Variants in BRAF observed in about 807,000 individuals in gnomAD.
BRAF encodes the protein B-Raf proto-oncogene, serine/threonine kinase, also known as serine/threonine-protein kinase B-raf.
Under a neutral mutation model 104.6 loss-of-function variants are expected in BRAF, and 16 were observed. The observed-to-expected ratio is 0.15, with a 90% CI of 0.10 to 0.23. The LOEUF (loss-of-function observed/expected upper bound fraction) is 0.23, where lower values mean the gene tolerates loss of function less well. Among genes scored for constraint, BRAF ranks in the 10% least tolerant of loss-of-function variants. The pLI is 1.00. For synonymous variants in BRAF, 310 were observed against 341.6 expected, an observed-to-expected ratio of 0.91 and a Z score of 1.02; for missense variants, 541 against 937.3, an observed-to-expected ratio of 0.58 and a Z score of 5.52.
At chr7:140,881,729 T>C (rs546132228) in intron 1 of BRAF, among the ~76,000 whole-genome samples, 3 of 152,358 alleles carry the variant, frequency 2.0e-5, no homozygotes, top group East Asian at 1.9e-4. Flanking sequence ...TTGGTTTCAC[T>C]TGAATACTTA....
At chr7:140,794,605 A>T (rs960542748) in intron 7 of BRAF, 138 bp from the exon 8 acceptor site, 3 of 1,054,700 alleles carry the variant, frequency 2.8e-6, no homozygotes, top group Non-Finnish European at 4.1e-6. Flanking sequence ...AGCAGTAATG[A>T]CTTTTAAAAG....
downstream of BRAF, among the ~76,000 whole-genome samples, chr7:140,715,307 T>A (rs1336488759): frequency 6.6e-6 from 1 of 152,134 alleles, no homozygotes; most frequent in Non-Finnish European, 1.5e-5. Flanking sequence ...ACTTCTCCGG[T>A]TTTGTGTTTA....
intron 1 of BRAF, among the ~76,000 whole-genome samples, chr7:140,873,030 T>A (rs1233226511): frequency 1.3e-5 from 2 of 152,186 alleles, no homozygotes; most frequent in African/African-American, 4.8e-5. Flanking sequence ...ACTTCTGGCA[T>A]GATGAAATGA....
intron 1 of BRAF, among the ~76,000 whole-genome samples, chr7:140,859,219 C>T (rs1442700400): frequency 6.6e-6 from 1 of 151,172 alleles, no homozygotes; most frequent in Non-Finnish European, 1.5e-5. Flanking sequence ...GTTTCCACCC[C>T]TGTTTTGGTA....
At chr7:140,889,743 ATCAG>A (rs1813999483) in intron 1 of BRAF, among the ~76,000 whole-genome samples, 3 of 152,246 alleles carry the variant, frequency 2.0e-5, no homozygotes, top group Admixed American at 1.3e-4. Context: ...AATTCAACCC[ATCAG>A]TCAAAAGTCA....
At chr7:140,731,757 C>T (rs1012921748) in intron 19 of BRAF, 1 of 152,212 alleles carries the variant, frequency 6.6e-6, no homozygotes, top group Non-Finnish European at 1.5e-5. Flanking sequence ...CATCTGATTA[C>T]ATCCTGTGAT....
chr7:140,871,789 T>A (rs927739865), intron 1 of BRAF, among the ~76,000 whole-genome samples: 1 of 152,180 alleles, frequency 6.6e-6, no homozygotes, highest in African/African-American at 2.4e-5. Flanking sequence ...AATATAAAAT[T>A]TAGTTTCTCA....
chr7:140,818,166 G>A (rs1479592005), intron 3 of BRAF, among the ~76,000 whole-genome samples: 1 of 152,132 alleles, frequency 6.6e-6, no homozygotes, highest in Non-Finnish European at 1.5e-5. Flanking sequence ...GTGTCCAGCA[G>A]AGGAATGGGA....
intron 5 of BRAF, among the ~76,000 whole-genome samples, chr7:140,802,606 C>G (rs2129045054): frequency 6.6e-6 from 1 of 151,890 alleles, no homozygotes; most frequent in East Asian, 1.9e-4. Context: ...CTTGTGTCTT[C>G]ATTTTTAACA....
chr7:140,860,990 AC>A, intron 1 of BRAF, among the ~76,000 whole-genome samples: 1 of 152,232 alleles, frequency 6.6e-6, no homozygotes. Flanking sequence ...TTAAGTCAAA[AC>A]AAAAAGCTAG....
intron 1 of BRAF, chr7:140,884,327 CATAAG>C (rs1018367409): frequency 1.3e-4 from 20 of 151,728 alleles, no homozygotes; most frequent in African/African-American, 4.8e-4. Flanking sequence ...TTAACAGAGA[CATAAG>C]ATATCTTTTA....
intron 1 of BRAF, among the ~76,000 whole-genome samples, chr7:140,853,258 T>C (rs1809392279): frequency 6.7e-6 from 1 of 149,880 alleles, no homozygotes; most frequent in Non-Finnish European, 1.5e-5. Flanking sequence ...TGGTGGTGTG[T>C]GCCTGTGGTC....
At chr7:140,780,807 T>C (rs1800797515) in intron 12 of BRAF, 1 of 152,244 alleles carries the variant, frequency 6.6e-6, no homozygotes, top group South Asian at 2.1e-4. Context: ...ACTCTTAATA[T>C]AATCCAATTT....
Position 140,924,616 on chromosome 7 carries a change from C to T in BRAF, c.88G>A (p.Gly30Ser). 5 of 1,527,310 alleles carry T rather than the reference C, an allele frequency of 3.3e-6. No homozygotes were observed. The highest frequency in any genetic ancestry group is 4.4e-6 in the Non-Finnish European group (5 of 1,143,152). 94.6% of individuals were successfully genotyped at this position (1,527,310 alleles called of 1,614,324 possible). A position where few individuals can be genotyped will look rare whatever the true frequency, so the allele number is the denominator to read the frequency against. Reference sequence around the variant, plus strand: ...GCCGAAGAGGCCGCGGCGCCGGCGCCGGCGCCGGCCTCGGGCTCCATGTCC... The same window carrying T: ...GCCGAAGAGGCCGCGGCGCCGGCGCTGGCGCCGGCCTCGGGCTCCATGTCC... ...NGDMEPEAGA[G>S]AGAAASSAAD... The change falls in exon 1 of 20, where the codon GGC (glycine) becomes AGC (serine). Residue 30 changes from glycine to serine, a missense_variant. By Grantham distance (56) the Gly-to-Ser change is moderately conservative. Coordinates refer to ENST00000644969, the MANE Select transcript of BRAF (RefSeq NM_001374258.1). The surrounding 1 kb of genome is among the most constrained non-coding windows in gnomAD (Gnocchi z 4.2).
At chr7:140,883,756 G>A (rs144590669) in intron 1 of BRAF, among the ~76,000 whole-genome samples, 1 of 152,126 alleles carries the variant, frequency 6.6e-6, no homozygotes, top group Non-Finnish European at 1.5e-5. Context: ...GTATGTATGT[G>A]CTGTGTATAT....
At chr7:140,804,268 G>T (rs772873224) in intron 5 of BRAF, among the ~76,000 whole-genome samples, 20 of 151,628 alleles carry the variant, frequency 1.3e-4, no homozygotes, top group Non-Finnish European at 2.6e-4. Flanking sequence ...GCAGTGGCAC[G>T]ATCTCGGCTC....
rs560110281 is a variant in BRAF, at chr7:140,882,824, C to T, written c.139-32612G>A. Reference sequence around the variant, plus strand: ...CCTGACCAACATGGAGAAGAAACCCCGTCTCTACTAAAAATAAAAATTAAC... The same window carrying T: ...CCTGACCAACATGGAGAAGAAACCCTGTCTCTACTAAAAATAAAAATTAAC... On this transcript the variant is annotated intron_variant, in intron 1 of 19. Transcript: ENST00000644969. 1.2e-3 allele frequency among the ~76,000 whole-genome samples: 182 copies of T among 151,936 alleles called. 1 individual carries two copies. The highest frequency in any genetic ancestry group is 4.0e-3 in the African/African-American group (167 of 41,496).
At chr7:140,727,852 A>C (rs1328740988) in intron 19 of BRAF, among the ~76,000 whole-genome samples, 1 of 150,752 alleles carries the variant, frequency 6.6e-6, no homozygotes, top group Non-Finnish European at 1.5e-5. Context: ...CTATCTCCTG[A>C]CCTCATGATC....
chr7:140,915,912 A>G (rs980759943), intron 1 of BRAF, among the ~76,000 whole-genome samples: 4 of 151,892 alleles, frequency 2.6e-5, no homozygotes, highest in African/African-American at 7.3e-5. Context: ...TAATCCCAGC[A>G]CTCTGGGAAG....
Sources: allele counts gnomAD v4.1 joint callset (sites outside exome capture counted in the v4.1 genomes callset), GRCh38; gene constraint gnomAD v4.1.1; non-coding constraint Gnocchi (gnomAD v3.1); transcripts MANE v1.5; gene names NCBI Gene and HGNC (gene_info 2026-07-23, HGNC 2026-07-21).